Variants in SRGAP1 observed in about 807,000 individuals in gnomAD.
The protein encoded by SRGAP1 is SLIT-ROBO Rho GTPase-activating protein 1.
In SRGAP1, 43 loss-of-function variants were observed where a neutral mutation model predicts 121.9. The observed-to-expected ratio is 0.35, with a 90% CI of 0.28 to 0.46. SRGAP1 has a LOEUF of 0.46. SRGAP1 is among the 20% of genes least tolerant of loss of function. SRGAP1 has a pLI of 1.00. For missense variants in SRGAP1, 1,102 were observed against 1,350.9 expected (o/e 0.82, Z 2.89); for synonymous variants, 447 against 485.4 (o/e 0.92, Z 1.04).
chr12:63,868,418 T>C (rs1305264691), intron 1 of SRGAP1, among the ~76,000 whole-genome samples: 1 of 152,032 alleles, frequency 6.6e-6, no homozygotes, highest in Non-Finnish European at 1.5e-5. Context: ...TTATGTTGCC[T>C]AGGCTAGAGT....
chr12:64,094,147 C>A (rs2036109181), intron 12 of SRGAP1, among the ~76,000 whole-genome samples: 1 of 152,008 alleles, frequency 6.6e-6, no homozygotes, highest in African/African-American at 2.4e-5. Flanking sequence ...TAGTCAGTAA[C>A]CTTCTTTAAC....
chr12:64,011,574 A>G (rs2034252433), intron 3 of SRGAP1, among the ~76,000 whole-genome samples: 1 of 152,168 alleles, frequency 6.6e-6, no homozygotes, highest in South Asian at 2.1e-4. Context: ...ATATTAGTTC[A>G]GAGTGCTTAA....
chr12:63,871,901 C>T (rs773297873), intron 1 of SRGAP1: 247 of 1,459,746 alleles, frequency 1.7e-4, no homozygotes, highest in Non-Finnish European at 2.2e-4. Context: ...AGAAAATTGG[C>T]TTTGTCTGCC....
intron 6 of SRGAP1, among the ~76,000 whole-genome samples, chr12:64,059,676 A>C (rs1291921675): frequency 6.6e-6 from 1 of 152,214 alleles, no homozygotes; most frequent in Non-Finnish European, 1.5e-5. Flanking sequence ...TGAAAGATAG[A>C]ATAATTTTTC....
intron 1 of SRGAP1, among the ~76,000 whole-genome samples, chr12:63,855,473 GTTTTTTTTTTTTT>G (rs781701925): frequency 3.8e-4 from 20 of 52,894 alleles, no homozygotes; most frequent in Admixed American, 2.1e-3. Context: ...GAAAAATGGT[GTTTTTTTTTTTTT>G]TTTTTTTTTT....
intron 1 of SRGAP1, among the ~76,000 whole-genome samples, chr12:63,970,784 T>C: frequency 6.6e-6 from 1 of 152,176 alleles, no homozygotes; most frequent in East Asian, 1.9e-4. Flanking sequence ...TGTTGTTCCC[T>C]ATTTGGCAGG....
chr12:64,102,053 AAAC>A (rs1315574539), intron 15 of SRGAP1, among the ~76,000 whole-genome samples: 1 of 152,222 alleles, frequency 6.6e-6, no homozygotes, highest in Non-Finnish European at 1.5e-5. Context: ...TGTTTACAAC[AAAC>A]AACAACAAAT....
intron 1 of SRGAP1, among the ~76,000 whole-genome samples, chr12:63,922,797 A>G (rs188830341): frequency 2.0e-5 from 3 of 152,322 alleles, no homozygotes; most frequent in Admixed American, 2.0e-4. Flanking sequence ...TCTTTTTCGT[A>G]TATTCATTTG....
intron 8 of SRGAP1, among the ~76,000 whole-genome samples, chr12:64,070,056 G>A (rs779990468): frequency 9.2e-5 from 14 of 152,240 alleles, no homozygotes; most frequent in African/African-American, 2.6e-4. Flanking sequence ...TTCAGCCACC[G>A]GTCCAGCATT....
intron 21 of SRGAP1, among the ~76,000 whole-genome samples, chr12:64,128,827 A>G (rs756222342): frequency 2.0e-5 from 3 of 152,240 alleles, no homozygotes; most frequent in African/African-American, 4.8e-5. Context: ...TTGCTTCCCA[A>G]CAGTGACTGC....
In SRGAP1 at chr12:64,127,927, C is replaced by G. The variant is rs769523377; in HGVS notation, c.2607C>G (p.Cys869Trp). The change falls in exon 21 of 22, where the codon TGC becomes TGG. Residue 869 changes from cysteine to tryptophan, a missense_variant. Physicochemically the swap from Cys to Trp is radical, Grantham distance 215 (BLOSUM62 -2). Around this residue, in one of 3 missense-constraint regions of SRGAP1, gnomAD observed 315 missense variants for 343.1 expected, o/e 0.92. Transcript: ENST00000355086. ...CTGGCAGGACCAGTGATGGCCATTG[C>G]CCGCTCCACCCTCCACATGCCCTTT... Reference protein sequence around the residue: ...RRPGRTSDGHCPLHPPHALSN... With the variant: ...RRPGRTSDGHWPLHPPHALSN... The G allele has an allele frequency of 6.2e-7, 1 of 1,614,188 alleles. No individual in the cohort carries two copies.
At chr12:64,115,183 T>C (rs1351851342) in intron 17 of SRGAP1, among the ~76,000 whole-genome samples, 1 of 151,558 alleles carries the variant, frequency 6.6e-6, no homozygotes, top group Non-Finnish European at 1.5e-5. Context: ...TGTAAAAAAC[T>C]GGTCTATCCA....
At chr12:64,064,207 G>A (rs2035498535) in intron 7 of SRGAP1, among the ~76,000 whole-genome samples, 1 of 152,082 alleles carries the variant, frequency 6.6e-6, no homozygotes, top group South Asian at 2.1e-4. Flanking sequence ...TAAGTTGGTT[G>A]CCCTTTTTTT....
At chr12:63,884,941 C>T (rs1305845783) in intron 1 of SRGAP1, among the ~76,000 whole-genome samples, 2 of 151,972 alleles carry the variant, frequency 1.3e-5, no homozygotes, top group Non-Finnish European at 2.9e-5. Flanking sequence ...AGGATGGCCT[C>T]GATCTCCTGA....
At chr12:63,987,354 G>T (rs1411371976) in intron 2 of SRGAP1, among the ~76,000 whole-genome samples, 2 of 152,142 alleles carry the variant, frequency 1.3e-5, no homozygotes, top group Admixed American at 1.3e-4. Context: ...ACTAAAAAAA[G>T]ACTCTCTCAG....
Position 64,161,387 on chromosome 12 carries a change from A to G in SRGAP1, c.*18715A>G, listed in dbSNP as rs1040264632. Reference sequence around the variant, plus strand: ...CTAATTTTCCTCCAGTTTTTCATCTATTTGACTTTTTGCTCTATTTTCAGG... The same window carrying G: ...CTAATTTTCCTCCAGTTTTTCATCTGTTTGACTTTTTGCTCTATTTTCAGG... On this transcript the variant is annotated 3_prime_UTR_variant, in exon 22 of 22. Coordinates refer to ENST00000355086, the MANE Select transcript of SRGAP1 (RefSeq NM_020762.4). 1 of 152,006 alleles carries G rather than the reference A, an allele frequency of 6.6e-6. No homozygotes were observed. The highest frequency in any genetic ancestry group is 2.4e-5 in the African/African-American group (1 of 41,404). 9.4% of individuals were successfully genotyped at this position (152,006 alleles called of 1,614,324 possible).
At chr12:64,013,926 C>T (rs2034326940) in intron 3 of SRGAP1, among the ~76,000 whole-genome samples, 1 of 152,172 alleles carries the variant, frequency 6.6e-6, no homozygotes, top group African/African-American at 2.4e-5. Flanking sequence ...GCCCCTCCTA[C>T]AGGGAAGCCA....
chr12:64,132,799 C>T (rs961960884), intron 21 of SRGAP1, among the ~76,000 whole-genome samples: 6 of 152,194 alleles, frequency 3.9e-5, no homozygotes, highest in African/African-American at 7.2e-5. Flanking sequence ...AAGGTCTCTC[C>T]GAGTAAGATT....
chr12:63,908,410 G>A (rs1406317776), intron 1 of SRGAP1, among the ~76,000 whole-genome samples: 2 of 152,140 alleles, frequency 1.3e-5, no homozygotes, highest in Non-Finnish European at 2.9e-5. Flanking sequence ...AGTTGTTAGT[G>A]TGTAAGTGTA....
Sources: allele counts gnomAD v4.1 joint callset (sites outside exome capture counted in the v4.1 genomes callset), GRCh38; gene constraint gnomAD v4.1.1; regional missense constraint gnomAD v4.1.1; transcripts MANE v1.5; gene names NCBI Gene and HGNC (gene_info 2026-07-23, HGNC 2026-07-21).